RYR3: variants seen among roughly 807,000 people sequenced by gnomAD.
RYR3 encodes ryanodine receptor 3, also known as brain ryanodine receptor-calcium release channel.
Under a neutral mutation model 584.3 loss-of-function variants are expected in RYR3, and 207 were observed. That is an observed-to-expected ratio of 0.35 (90% CI 0.32 to 0.40). RYR3 has a LOEUF of 0.40. Among genes scored for constraint, RYR3 ranks in the 10% least tolerant of loss-of-function variants. The probability of loss-of-function intolerance (pLI) is 1.00; values close to 1 mark genes in which losing one functional copy is unlikely to be tolerated. For synonymous variants in RYR3, 2,416 were observed against 2,248.5 expected, an observed-to-expected ratio of 1.07 and a Z score of -2.11; for missense variants, 5,616 against 6,089.2, an observed-to-expected ratio of 0.92 and a Z score of 2.59.
rs533448245 is a variant in RYR3 at position 33,709,781 on chromosome 15, T to C, written c.6619+2727T>C. 5.3e-5 allele frequency among the ~76,000 whole-genome samples: 8 copies of C among 152,288 alleles called. No individual in the cohort carries two copies. The East Asian group carries it at 9.6e-4, about 18-fold the overall frequency. On this transcript the variant is annotated intron_variant, in intron 43 of 103. Coordinates refer to ENST00000634891, the MANE Select transcript of RYR3 (RefSeq NM_001036.6). ...TTACCTAGTCTTTGATATTCTGTTA[T>C]AGCAGCACAAAACAGACTAAGATAC...
Position 33,540,221 on chromosome 15 carries a change from T to C in RYR3, c.547-570T>C, listed in dbSNP as rs78015520. 9.9e-4 allele frequency among the ~76,000 whole-genome samples: 150 copies of C among 152,228 alleles called. 2 individuals are homozygous for C. Among genetic ancestry groups the C allele is most frequent in the Non-Finnish European group, 2.1e-3 (142 of 67,996 alleles). ...GGGAAGAACAAGAAAGGATCGAATA[T>C]AGGAAAATAAGTTTATGTTGGAGAA... On this transcript the variant is annotated intron_variant, in intron 6 of 103. Coordinates refer to ENST00000634891, the MANE Select transcript of RYR3 (RefSeq NM_001036.6).
chr15:33,383,376 C>T (rs191911300), intron 1 of RYR3, among the ~76,000 whole-genome samples: 4 of 150,086 alleles, frequency 2.7e-5, no homozygotes, highest in African/African-American at 9.8e-5. Context: ...CGCCACACTT[C>T]GGTGATATGT....
chr15:33,510,555 G>A (rs555932381), intron 3 of RYR3, among the ~76,000 whole-genome samples: 1 of 151,950 alleles, frequency 6.6e-6, no homozygotes, highest in Admixed American at 6.5e-5. Context: ...ATCCAGGACA[G>A]CAACCCTAAA....
intron 19 of RYR3, among the ~76,000 whole-genome samples, chr15:33,619,156 G>T (rs1315249310): frequency 6.6e-6 from 1 of 152,016 alleles, no homozygotes; most frequent in Non-Finnish European, 1.5e-5. Context: ...AAATCTTTGA[G>T]AGCTGATGAA....
At chr15:33,530,353 C>T (rs1394305648) in intron 3 of RYR3, among the ~76,000 whole-genome samples, 1 of 152,172 alleles carries the variant, frequency 6.6e-6, no homozygotes, top group East Asian at 1.9e-4. Flanking sequence ...TGATCCTGGG[C>T]AGAGGCCATT....
intron 1 of RYR3, among the ~76,000 whole-genome samples, chr15:33,324,032 C>T (rs549166877): frequency 7.2e-5 from 11 of 152,252 alleles, no homozygotes; most frequent in African/African-American, 2.6e-4. Flanking sequence ...TAATATGTCA[C>T]TGGGCAGGAT....
In RYR3 at chr15:33,567,876, A is replaced by G. The variant is rs144776379; in HGVS notation, c.1268+1077A>G. Among the ~76,000 whole-genome samples the G allele has an allele frequency of 2.2e-3, 340 of 152,322 alleles. 1 individual carries two copies. The highest frequency in any genetic ancestry group is 3.4e-3 in the Middle Eastern group (1 of 294). ...CATGCTAAAATTTAAACTTGACAAT[A>G]GAGATCTTAACCTTGGCCACATGCT... On this transcript the variant is annotated intron_variant, in intron 12 of 103. Coordinates refer to ENST00000634891, the MANE Select transcript of RYR3 (RefSeq NM_001036.6).
chr15:33,807,101 C>T (rs1283212849), intron 69 of RYR3, among the ~76,000 whole-genome samples: 1 of 152,082 alleles, frequency 6.6e-6, no homozygotes, highest in Non-Finnish European at 1.5e-5. Flanking sequence ...TCAGTTCTCC[C>T]CTCTCTGTAG....
chr15:33,807,063 A>C (rs2152939132), intron 69 of RYR3, among the ~76,000 whole-genome samples: 1 of 152,012 alleles, frequency 6.6e-6, no homozygotes, highest in Middle Eastern at 3.4e-3. Context: ...ACCTTCTTTT[A>C]ACATAAGCAC....
intron 18 of RYR3, among the ~76,000 whole-genome samples, chr15:33,611,288 G>C (rs1048134967): frequency 2.6e-5 from 4 of 152,162 alleles, no homozygotes; most frequent in African/African-American, 7.2e-5. Flanking sequence ...TGGGCGCGGT[G>C]GCTCACGCCT....
intron 1 of RYR3, among the ~76,000 whole-genome samples, chr15:33,433,078 A>T (rs2045341975): frequency 6.6e-6 from 1 of 152,094 alleles, no homozygotes; most frequent in Non-Finnish European, 1.5e-5. Flanking sequence ...TCATGCAAAC[A>T]TTCTAGAGGA....
chr15:33,571,751 A>G (rs551389979), intron 12 of RYR3, among the ~76,000 whole-genome samples: 7 of 152,032 alleles, frequency 4.6e-5, no homozygotes, highest in Admixed American at 2.6e-4. Flanking sequence ...TAGTCTGACA[A>G]TCTCTCCCTT....
At chr15:33,320,156 G>GAATAT (rs1283264108) in intron 1 of RYR3, among the ~76,000 whole-genome samples, 1 of 152,190 alleles carries the variant, frequency 6.6e-6, no homozygotes, top group African/African-American at 2.4e-5. Flanking sequence ...TAGAATGCAT[G>GAATAT]AATATTTTCA....
chr15:33,385,631 G>A (rs1454549836), intron 1 of RYR3, among the ~76,000 whole-genome samples: 1 of 151,888 alleles, frequency 6.6e-6, no homozygotes, highest in South Asian at 2.1e-4. Flanking sequence ...GTAATGAGTT[G>A]GCTCTATATT....
chr15:33,316,938 C>A (rs1184723057), intron 1 of RYR3, among the ~76,000 whole-genome samples: 1 of 152,198 alleles, frequency 6.6e-6, no homozygotes, highest in Non-Finnish European at 1.5e-5. Context: ...GCAATTACTT[C>A]TCTAAAGCCA....
At position 33,581,576 on chromosome 15, in the gene RYR3, A is replaced by G. The variant is rs2152516156; in HGVS notation, c.1506A>G (p.Ala502=). ...LNVYNSVAHF[A]GIAREESGMA... ...TCTACAATAGCGTAGCACACTTTGCAGGGATTGCAAGGGAAGAGAGTGGCA... is the reference window on the plus strand; with the variant it reads ...TCTACAATAGCGTAGCACACTTTGCGGGGATTGCAAGGGAAGAGAGTGGCA... Residue 502 remains alanine, a synonymous_variant, in exon 14 of 104, where the codon GCA becomes GCG. Transcript: ENST00000634891. 6.2e-7 allele frequency: 1 copy of G among 1,613,538 alleles called. No individual in the cohort carries two copies.
At chr15:33,448,980 A>G (rs867218890) in intron 1 of RYR3, among the ~76,000 whole-genome samples, 2 of 152,236 alleles carry the variant, frequency 1.3e-5, no homozygotes, top group Non-Finnish European at 2.9e-5. Flanking sequence ...TTGTGACGCA[A>G]GGGCCTGAGA....
At chr15:33,514,101 C>T (rs2053286781) in intron 3 of RYR3, among the ~76,000 whole-genome samples, 1 of 152,082 alleles carries the variant, frequency 6.6e-6, no homozygotes, top group South Asian at 2.1e-4. Context: ...TAGTCAATTC[C>T]CTTGCTGGTT....
intron 45 of RYR3, among the ~76,000 whole-genome samples, chr15:33,726,029 C>T (rs1019850064): frequency 6.9e-6 from 1 of 145,982 alleles, no homozygotes; most frequent in African/African-American, 2.5e-5. Flanking sequence ...TGTGGCCACG[C>T]TGTCAACACT....
Sources: gnomAD v4.1 joint callset for allele counts (sites outside exome capture counted in the v4.1 genomes callset) on GRCh38, gnomAD v4.1.1 for gene constraint, MANE v1.5 for transcripts, NCBI Gene and HGNC (gene_info 2026-07-23, HGNC 2026-07-21) for gene names.